MGST1: variants seen among roughly 807,000 people sequenced by gnomAD.
MGST1 encodes the protein microsomal glutathione S-transferase 1, also known as glutathione S-transferase 12.
MGST1 carries 5 observed loss-of-function variants against 8.9 expected under a neutral mutation model. The observed-to-expected ratio is 0.56, with a 90% confidence interval of 0.29 to 1.19. The LOEUF (loss-of-function observed/expected upper bound fraction) is 1.19. Ranked by LOEUF, MGST1 falls within the 50% of genes most tolerant of loss-of-function variation. MGST1 has a pLI of 0.08. For missense variants in MGST1, 182 were observed against 187.4 expected (o/e 0.97, Z 0.17); for synonymous variants, 54 against 67.8 (o/e 0.80, Z 1.00).
At chr12:16,417,987 A>G (rs1406183228) in intron 1 of MGST1, among the ~76,000 whole-genome samples, 1 of 152,162 alleles carries the variant, frequency 6.6e-6, no homozygotes, top group Admixed American at 6.6e-5. Flanking sequence ...GAAATCTTCA[A>G]TTTCCAGCTT....
intron 4 of MGST1, chr12:16,549,185 TTTTAA>T (rs1941897132): frequency 6.6e-6 from 1 of 152,116 alleles, no homozygotes; most frequent in African/African-American, 2.4e-5. Flanking sequence ...CCCCACATAT[TTTTAA>T]TTTGTCTTGC....
At chr12:16,490,637 G>A (rs1423761661) in intron 4 of MGST1, among the ~76,000 whole-genome samples, 1 of 152,060 alleles carries the variant, frequency 6.6e-6, no homozygotes, top group Non-Finnish European at 1.5e-5. Context: ...TGCATATAAT[G>A]ATATCATTTG....
At position 16,517,567 on chromosome 12, in the gene MGST1, C is replaced by G. The variant is rs1941623265; in HGVS notation, n.483-71961C>G. Among the ~76,000 whole-genome samples the G allele has an allele frequency of 6.6e-6, 1 of 152,068 alleles. No individual in the cohort carries two copies. The highest frequency in any genetic ancestry group is 2.4e-5 in the African/African-American group (1 of 41,408). On this transcript the variant is annotated intron_variant and non_coding_transcript_variant, in intron 4 of 4. Transcript: ENST00000538857. The surrounding 1 kb of genome is among the most constrained non-coding windows in gnomAD (Gnocchi z 4.2). ...TCAGTGCTATTTTACTACAGCAGCA[C>G]AAAACAGAGACAGCAGGTATCAGTA...
At chr12:16,545,016 CAAAT>C (rs1332812309) in intron 4 of MGST1, among the ~76,000 whole-genome samples, 1 of 151,966 alleles carries the variant, frequency 6.6e-6, no homozygotes, top group Admixed American at 6.6e-5. Context: ...AGATATAAAA[CAAAT>C]ATAGAAATTT....
rs772137178 is a variant in MGST1 at position 16,555,391 on chromosome 12, G to A, written n.483-34137G>A. 6.6e-6 allele frequency among the ~76,000 whole-genome samples: 1 copy of A among 152,100 alleles called. No individual in the cohort carries two copies. Among genetic ancestry groups the A allele is most frequent in the African/African-American group, 2.4e-5 (1 of 41,426 alleles). On this transcript the variant is annotated intron_variant and non_coding_transcript_variant, in intron 4 of 4. Coordinates refer to the MGST1 transcript ENST00000538857. The surrounding 1 kb of genome is among the most constrained non-coding windows in gnomAD (Gnocchi z 5.5). ...TGGTGTTTCAAAATTTCTCATGAAT[G>A]TGTAACTGGTTTGCCATTATAGTCA... is the stretch of plus-strand genomic sequence containing the variant.
chr12:16,434,953 C>T (rs995511107), intron 1 of MGST1, among the ~76,000 whole-genome samples: 2 of 152,016 alleles, frequency 1.3e-5, no homozygotes, highest in African/African-American at 4.8e-5. Context: ...TTTTAGTTCA[C>T]TTAACCTGGC....
chr12:16,557,230 A>C (rs910090986), intron 4 of MGST1, among the ~76,000 whole-genome samples: 6 of 152,160 alleles, frequency 3.9e-5, no homozygotes, highest in African/African-American at 1.4e-4. Context: ...AACCCTACTT[A>C]ATAGAAGAAA....
chr12:16,518,899 A>G (rs1941632097), intron 4 of MGST1, among the ~76,000 whole-genome samples: 1 of 152,234 alleles, frequency 6.6e-6, no homozygotes, highest in Non-Finnish European at 1.5e-5. Flanking sequence ...AGCTACACTG[A>G]TAATCTCAGA....
At chr12:16,409,537 T>G (rs1042146820) in intron 1 of MGST1, among the ~76,000 whole-genome samples, 3 of 151,976 alleles carry the variant, frequency 2.0e-5, no homozygotes, top group Admixed American at 1.3e-4. Context: ...GAGAGAAAAC[T>G]TTACTCTGAA....
In MGST1 at chr12:16,586,678, T is replaced by C. The variant is rs1243381048; in HGVS notation, n.483-2850T>C. On this transcript the variant is annotated intron_variant and non_coding_transcript_variant, in intron 4 of 4. Transcript: ENST00000538857. This position sits in a 1 kb window ranked among gnomAD's most constrained non-coding sequence, Gnocchi z 4.3. ...TAAGGCTATACCGTCGGGGTAGAGA[T>C]TTCAAGATACACATCTTTTGACCCC... Among the ~76,000 whole-genome samples the C allele has an allele frequency of 6.6e-6, 1 of 152,130 alleles. No homozygotes were observed. The highest frequency in any genetic ancestry group is 1.5e-5 in the Non-Finnish European group (1 of 68,030).
chr12:16,396,536 C>G (rs900027551), intron 1 of MGST1, among the ~76,000 whole-genome samples: 4 of 152,042 alleles, frequency 2.6e-5, no homozygotes, highest in African/African-American at 9.7e-5. Flanking sequence ...CCTAGAAAAT[C>G]CTAAAGACTC....
chr12:16,406,792 C>T (rs10744121), intron 1 of MGST1, among the ~76,000 whole-genome samples: 28,972 of 152,096 alleles, frequency 0.19, 3,286 homozygotes, highest in East Asian at 0.43. Flanking sequence ...GCTGACAAAG[C>T]AAACATTGGG....
intron 4 of MGST1, among the ~76,000 whole-genome samples, chr12:16,501,913 A>T (rs1941507851): frequency 6.6e-6 from 1 of 152,190 alleles, no homozygotes; most frequent in Admixed American, 6.5e-5. Flanking sequence ...ATGTATCAAA[A>T]ATTCTATTAA....
chr12:16,572,519 A>G (rs2137455247), intron 4 of MGST1, among the ~76,000 whole-genome samples: 1 of 150,132 alleles, frequency 6.7e-6, no homozygotes, highest in East Asian at 2.0e-4. Flanking sequence ...CTGCTATGCC[A>G]AAGTGCCTAG....
At chr12:16,480,928 A>T (rs924290022) in intron 4 of MGST1, among the ~76,000 whole-genome samples, 1 of 152,180 alleles carries the variant, frequency 6.6e-6, no homozygotes, top group Non-Finnish European at 1.5e-5. Context: ...CAAACAAAAA[A>T]ACAAAAAATT....
At chr12:16,368,318 C>T (rs1940229445), downstream of MGST1, among the ~76,000 whole-genome samples, 1 of 152,098 alleles carries the variant, frequency 6.6e-6, no homozygotes, top group African/African-American at 2.4e-5. Context: ...AATAAAGAAA[C>T]CAAAAAGAAA....
At chr12:16,573,761 A>G (rs973328227) in intron 4 of MGST1, 1 of 152,198 alleles carries the variant, frequency 6.6e-6, no homozygotes, top group African/African-American at 2.4e-5. Context: ...AGGCCGTTAC[A>G]CAAGGCAGCT....
chr12:16,566,034 ATATAT>A (rs2137385585), intron 4 of MGST1, among the ~76,000 whole-genome samples: 7 of 102,020 alleles, frequency 6.9e-5, no homozygotes, highest in Admixed American at 1.0e-4. Context: ...ATATATATAT[ATATAT>A]AAAATGGAGT....
intron 1 of MGST1, among the ~76,000 whole-genome samples, chr12:16,403,909 C>G (rs1202468340): frequency 6.6e-6 from 1 of 152,118 alleles, no homozygotes; most frequent in African/African-American, 2.4e-5. Flanking sequence ...CTACTGATCT[C>G]TCCTTTGACA....
Sources: gnomAD v4.1 joint callset for allele counts (sites outside exome capture counted in the v4.1 genomes callset) on GRCh38, gnomAD v4.1.1 for gene constraint, Gnocchi (gnomAD v3.1) non-coding constraint, MANE v1.5 for transcripts, NCBI Gene and HGNC (gene_info 2026-07-23, HGNC 2026-07-21) for gene names.